Variants in MAP3K20 observed in about 807,000 individuals in gnomAD.
MAP3K20 encodes mitogen-activated protein kinase kinase kinase 20, also known as HCCS-4.
A neutral mutation model predicts 85.7 loss-of-function variants in MAP3K20; 40 were observed. The observed-to-expected ratio is 0.47, with a 90% confidence interval of 0.36 to 0.61. MAP3K20 has a LOEUF of 0.61. MAP3K20 is among the 20% of genes least tolerant of loss of function. The pLI is 0.00. For missense variants in MAP3K20, 817 were observed against 961.7 expected (o/e 0.85, Z 1.99); for synonymous variants, 325 against 327.7 (o/e 0.99, Z 0.09).
intron 8 of MAP3K20, among the ~76,000 whole-genome samples, chr2:173,201,896 C>A (rs1467980791): frequency 6.6e-6 from 1 of 152,112 alleles, no homozygotes; most frequent in Non-Finnish European, 1.5e-5. Context: ...TGTGTAATGA[C>A]TTCGATGTGG....
chr2:173,192,204 G>C (rs1364151025), intron 7 of MAP3K20, among the ~76,000 whole-genome samples: 9 of 152,260 alleles, frequency 5.9e-5, no homozygotes, highest in East Asian at 1.9e-4. Flanking sequence ...CTGAACTTCT[G>C]TGTTTTCTTA....
At chr2:173,219,364 A>G (rs1684167570) in intron 11 of MAP3K20, among the ~76,000 whole-genome samples, 1 of 152,198 alleles carries the variant, frequency 6.6e-6, no homozygotes, top group African/African-American at 2.4e-5. Context: ...GGGGAGATTA[A>G]TCCTTTATGC....
chr2:173,194,792 A>T (rs1690773909), intron 7 of MAP3K20, among the ~76,000 whole-genome samples: 1 of 151,918 alleles, frequency 6.6e-6, no homozygotes, highest in African/African-American at 2.4e-5. Context: ...CACCCAAAAA[A>T]CTGCAATATA....
chr2:173,076,192 G>GGCGGGCGAGCGAGCGA (rs1553561446), intron 1 of MAP3K20, among the ~76,000 whole-genome samples, 190 bp downstream of exon 1: 3 of 151,508 alleles, frequency 2.0e-5, no homozygotes, highest in Non-Finnish European at 4.4e-5. Flanking sequence ...GGAGCGAGCG[G>GGCGGGCGAGCGAGCGA]GCGGGCGAGC....
At chr2:173,121,531 C>T (rs142283897) in intron 2 of MAP3K20, among the ~76,000 whole-genome samples, 9,215 of 152,048 alleles carry the variant, frequency 0.061, 388 homozygotes, top group Middle Eastern at 0.13. Flanking sequence ...GGACTACAGG[C>T]GCCCGCCACC....
chr2:173,171,070 T>G (rs1689986267), intron 3 of MAP3K20, among the ~76,000 whole-genome samples: 1 of 152,190 alleles, frequency 6.6e-6, no homozygotes, highest in Non-Finnish European at 1.5e-5. Flanking sequence ...TGTCTTTAGA[T>G]TTGTGACTGA....
intron 2 of MAP3K20, among the ~76,000 whole-genome samples, chr2:173,144,006 G>T (rs1689051139): frequency 6.6e-6 from 1 of 151,940 alleles, no homozygotes; most frequent in South Asian, 2.1e-4. Flanking sequence ...AACTTTAAAA[G>T]ACCTAAATTA....
chr2:173,258,831 C>A lies in MAP3K20; in HGVS notation c.1476+16C>A. On this transcript the variant is annotated intron_variant, in intron 17 of 19. Transcript: ENST00000375213. Reference sequence around the variant, plus strand: ...GATGACAAAGGTAGGGTTCTATTTACGGCTTAAAAGCTCTTTTGAATTCAC... The same window carrying A: ...GATGACAAAGGTAGGGTTCTATTTAAGGCTTAAAAGCTCTTTTGAATTCAC... 1 of 1,491,908 alleles carries A rather than the reference C, an allele frequency of 6.7e-7. No homozygotes were observed. Among genetic ancestry groups the A allele is most frequent in the Non-Finnish European group, 9.3e-7 (1 of 1,071,490 alleles). 92.4% of individuals were successfully genotyped at this position (1,491,908 alleles called of 1,614,324 possible). A position where few individuals can be genotyped will look rare whatever the true frequency, so the allele number is the denominator to read the frequency against.
chr2:173,135,763 G>C (rs1404186795), intron 2 of MAP3K20, among the ~76,000 whole-genome samples: 4 of 152,126 alleles, frequency 2.6e-5, no homozygotes, highest in Non-Finnish European at 5.9e-5. Context: ...ATGAATGCAG[G>C]AGATATCATT....
At position 173,075,962 on chromosome 2, in the gene MAP3K20, C is replaced by G; in HGVS notation, c.-75C>G. ...GCCGCCCTCGTCGCGCGCGGGGCCT[C>G]CGCGCCCCCGGCTGCTGCTCACGCC... On this transcript the variant is annotated 5_prime_UTR_variant, in exon 1 of 20. Transcript: ENST00000375213. 1.0e-6 allele frequency: 1 copy of G among 985,102 alleles called. No individual in the cohort carries two copies. 61.0% of individuals were successfully genotyped at this position (985,102 alleles called of 1,614,324 possible).
intron 2 of MAP3K20, among the ~76,000 whole-genome samples, chr2:173,104,149 T>C (rs150218178): frequency 2.3e-3 from 345 of 152,316 alleles, no homozygotes; most frequent in Non-Finnish European, 3.7e-3. Context: ...AGAAAAGGAA[T>C]AGTTAGTAAC....
chr2:173,211,010 G>C (rs940086001), intron 10 of MAP3K20: 3 of 152,128 alleles, frequency 2.0e-5, no homozygotes, highest in Non-Finnish European at 4.4e-5. Context: ...ACTTTTTTCT[G>C]GGCTGAGATA....
Position 173,156,566 on chromosome 2 carries a change from C to T in MAP3K20, c.160-13239C>T, listed in dbSNP as rs138377730. Among the ~76,000 whole-genome samples, 322 of 152,250 alleles carry T rather than the reference C, an allele frequency of 2.1e-3. 3 individuals are homozygous for T. The highest frequency in any genetic ancestry group is 7.4e-3 in the African/African-American group (309 of 41,542). On this transcript the variant is annotated intron_variant, in intron 2 of 19. Coordinates refer to ENST00000375213, the MANE Select transcript of MAP3K20 (RefSeq NM_016653.3). ...AACTGTTTCACCTCAGATCATCAGGCATTAGATTCTCATAAAGACCGTGCA... is the reference window on the plus strand; with the variant it reads ...AACTGTTTCACCTCAGATCATCAGGTATTAGATTCTCATAAAGACCGTGCA...
chr2:173,142,563 TTAAATC>T (rs1316957077), intron 2 of MAP3K20, among the ~76,000 whole-genome samples: 2 of 151,304 alleles, frequency 1.3e-5, no homozygotes, highest in Non-Finnish European at 2.9e-5. Context: ...TAGCACAAAA[TTAAATC>T]TAAGTAGACT....
At chr2:173,116,968 C>A (rs1420632074) in intron 2 of MAP3K20, among the ~76,000 whole-genome samples, 9 of 152,162 alleles carry the variant, frequency 5.9e-5, no homozygotes, top group African/African-American at 1.9e-4. Flanking sequence ...GATCATTGTT[C>A]TTGAATGGTG....
At chr2:173,185,647 A>C (rs905561240) in intron 4 of MAP3K20, among the ~76,000 whole-genome samples, 2 of 152,216 alleles carry the variant, frequency 1.3e-5, no homozygotes, top group Admixed American at 6.5e-5. Flanking sequence ...TTTTAAGCAA[A>C]GGTTGATTCA....
At chr2:173,150,897 C>T (rs1689288730) in intron 2 of MAP3K20, among the ~76,000 whole-genome samples, 1 of 152,194 alleles carries the variant, frequency 6.6e-6, no homozygotes, top group African/African-American at 2.4e-5. Context: ...CAATTTCTAG[C>T]AGCTAACATT....
intron 1 of MAP3K20, among the ~76,000 whole-genome samples, chr2:173,082,738 C>T (rs990968682): frequency 5.3e-5 from 8 of 152,262 alleles, no homozygotes; most frequent in Admixed American, 1.3e-4. Context: ...TGGCCCCATT[C>T]TCTTCCTCAT....
At chr2:173,168,647 G>A (rs1459390153) in intron 2 of MAP3K20, among the ~76,000 whole-genome samples, 1 of 151,994 alleles carries the variant, frequency 6.6e-6, no homozygotes, top group Non-Finnish European at 1.5e-5. Flanking sequence ...TTCTGGGGTG[G>A]GGACTTATAA....
Sources: allele counts gnomAD v4.1 joint callset (sites outside exome capture counted in the v4.1 genomes callset), GRCh38; gene constraint gnomAD v4.1.1; transcripts MANE v1.5; gene names NCBI Gene and HGNC (gene_info 2026-07-23, HGNC 2026-07-21).